The following CLYBL variants were observed in gnomAD, a reference collection of about 807,000 sequenced individuals.
CLYBL encodes the protein citramalyl-CoA lyase, also known as citramalyl-CoA lyase, mitochondrial.
Under a neutral mutation model 38.9 loss-of-function variants are expected in CLYBL, and 31 were observed. The ratio of observed to expected loss-of-function variants is 0.80; its 90% CI spans 0.60 to 1.08. The LOEUF (loss-of-function observed/expected upper bound fraction) is 1.08. Ranked by LOEUF, CLYBL falls within the 50% of genes least tolerant of loss-of-function variation. The pLI is 0.00. For synonymous variants in CLYBL, 171 were observed against 158.6 expected, an observed-to-expected ratio of 1.08 and a Z score of -0.59; for missense variants, 434 against 411.6, an observed-to-expected ratio of 1.05 and a Z score of -0.47.
chr13:99,752,719 G>A (rs1313249930), intron 1 of CLYBL, among the ~76,000 whole-genome samples: 4 of 151,862 alleles, frequency 2.6e-5, no homozygotes, highest in East Asian at 1.9e-4. Context: ...CCTTCTTTGT[G>A]TCACCCCCTC....
intron 2 of CLYBL, among the ~76,000 whole-genome samples, chr13:99,783,492 T>C (rs1234236833): frequency 2.0e-5 from 3 of 151,584 alleles, no homozygotes; most frequent in East Asian, 3.9e-4. Flanking sequence ...AGTGTTGCTC[T>C]GTCACCCAGG....
intron 1 of CLYBL, among the ~76,000 whole-genome samples, chr13:99,620,351 C>T (rs2046773843): frequency 6.6e-6 from 1 of 152,178 alleles, no homozygotes; most frequent in African/African-American, 2.4e-5. Context: ...TGCCCAGAGC[C>T]ACAGTGCTCT....
chr13:99,696,993 T>C (rs1251910560), intron 1 of CLYBL, among the ~76,000 whole-genome samples: 6 of 152,218 alleles, frequency 3.9e-5, no homozygotes, highest in Admixed American at 3.9e-4. Flanking sequence ...TTTTTCTATG[T>C]ATTTCTGCTG....
intron 1 of CLYBL, among the ~76,000 whole-genome samples, chr13:99,713,334 C>CTTTTTTTT (rs759844768): frequency 5.2e-4 from 53 of 101,572 alleles, no homozygotes; most frequent in Non-Finnish European, 7.0e-4. Context: ...TTCTCTATTT[C>CTTTTTTTT]TTTTTTTTTT....
intron 1 of CLYBL, among the ~76,000 whole-genome samples, chr13:99,624,354 C>T (rs2046840282): frequency 6.6e-6 from 1 of 152,186 alleles, no homozygotes. Context: ...CAGAATCCAT[C>T]ACTAATTATC....
intron 1 of CLYBL, among the ~76,000 whole-genome samples, chr13:99,726,971 C>T (rs922705403): frequency 2.1e-4 from 32 of 152,078 alleles, no homozygotes; most frequent in African/African-American, 6.5e-4. Flanking sequence ...CCAGCCTGGA[C>T]AACTTGGTGA....
intron 1 of CLYBL, among the ~76,000 whole-genome samples, chr13:99,718,846 ATT>A (rs879384617): frequency 6.8e-6 from 1 of 147,706 alleles, no homozygotes; most frequent in African/African-American, 2.5e-5. Flanking sequence ...CCTGTTGAGA[ATT>A]TTTTTTTTTT....
At chr13:99,612,917 A>T (rs1196705652) in intron 1 of CLYBL, among the ~76,000 whole-genome samples, 1 of 151,830 alleles carries the variant, frequency 6.6e-6, no homozygotes, top group East Asian at 1.9e-4. Flanking sequence ...TGGGATGCTG[A>T]GGTGGGAGGA....
intron 1 of CLYBL, among the ~76,000 whole-genome samples, chr13:99,650,884 A>G (rs1274241253): frequency 2.0e-5 from 3 of 151,968 alleles, no homozygotes; most frequent in Admixed American, 6.6e-5. Flanking sequence ...TGTTCTTTAC[A>G]CCCTAACCCA....
intron 2 of CLYBL, among the ~76,000 whole-genome samples, chr13:99,812,054 G>T (rs759329687): frequency 6.6e-6 from 1 of 152,162 alleles, no homozygotes; most frequent in African/African-American, 2.4e-5. Context: ...GTTTGCAGCC[G>T]ACATATTGGG....
chr13:99,905,802 G>C (rs1373940317), intron 9 of CLYBL, among the ~76,000 whole-genome samples: 1 of 150,768 alleles, frequency 6.6e-6, no homozygotes, highest in Non-Finnish European at 1.5e-5. Flanking sequence ...GTCTCTGTCT[G>C]TCGCCCAGAC....
At chr13:99,836,222 CGTTG>C (rs2050930968) in intron 2 of CLYBL, among the ~76,000 whole-genome samples, 1 of 152,020 alleles carries the variant, frequency 6.6e-6, no homozygotes. Flanking sequence ...CCAGGGGGAG[CGTTG>C]GTTGGTGAGG....
chr13:99,755,810 C>T (rs938040220), intron 1 of CLYBL, among the ~76,000 whole-genome samples: 1 of 152,162 alleles, frequency 6.6e-6, no homozygotes, highest in Non-Finnish European at 1.5e-5. Context: ...CCTGCATGTT[C>T]CTGGGATGGG....
chr13:99,772,765 C>T lies in CLYBL; in HGVS notation c.63-59C>T, dbSNP rs187805246. The T allele has an allele frequency of 6.7e-6, 9 of 1,347,174 alleles. No homozygotes were observed. In the Admixed American group the frequency reaches 7.4e-5, roughly 11 times the overall value. The allele number at this position is 1,347,174 out of a possible 1,614,324, so 83.5% of individuals were successfully genotyped here. A position where few individuals can be genotyped will look rare whatever the true frequency, so the allele number is the denominator to read the frequency against. Reference sequence around the variant, plus strand: ...AATTTTGCATTAAAATATAGTTTTTCACAAGTTTATAAATACAGAAATCTC... The same window carrying T: ...AATTTTGCATTAAAATATAGTTTTTTACAAGTTTATAAATACAGAAATCTC... On this transcript the variant is annotated intron_variant, in intron 1 of 8. Coordinates refer to ENST00000339105, the MANE Select transcript of CLYBL (RefSeq NM_206808.5).
chr13:99,796,667 T>C lies in CLYBL; in HGVS notation c.249+23657T>C, dbSNP rs551388619. Among the ~76,000 whole-genome samples the C allele has an allele frequency of 3.9e-5, 6 of 152,326 alleles. No homozygotes were observed. In the East Asian group the frequency reaches 1.2e-3, roughly 29 times the overall value. ...GCTGCACTTTGATCACCACATTTGC[T>C]AATGAAGGTTATTAACAGAGCCACA... On this transcript the variant is annotated intron_variant, in intron 2 of 8. Transcript: ENST00000339105.
intron 1 of CLYBL, among the ~76,000 whole-genome samples, chr13:99,613,927 C>T (rs1008101998): frequency 6.6e-6 from 1 of 152,050 alleles, no homozygotes; most frequent in South Asian, 2.1e-4. Context: ...TTTAAATGGC[C>T]CTGGGAGGCA....
chr13:99,754,184 C>T (rs1414215244), intron 1 of CLYBL, among the ~76,000 whole-genome samples: 2 of 144,284 alleles, frequency 1.4e-5, no homozygotes, highest in East Asian at 2.0e-4. Flanking sequence ...CCAAAGTGGG[C>T]GGATCGTTTG....
chr13:99,754,304 C>T (rs2049013033), intron 1 of CLYBL, among the ~76,000 whole-genome samples: 1 of 150,224 alleles, frequency 6.7e-6, no homozygotes, highest in African/African-American at 2.4e-5. Flanking sequence ...CAGGTAATCA[C>T]TACTTGGGAG....
At chr13:99,825,330 G>A (rs35794092) in intron 2 of CLYBL, among the ~76,000 whole-genome samples, 1,582 of 152,162 alleles carry the variant, frequency 0.01, 22 homozygotes, top group Admixed American at 0.043. Flanking sequence ...AATAATATCA[G>A]CTACCTCCTA....
Sources: gnomAD v4.1 joint callset for allele counts (sites outside exome capture counted in the v4.1 genomes callset) on GRCh38, gnomAD v4.1.1 for gene constraint, MANE v1.5 for transcripts, NCBI Gene and HGNC (gene_info 2026-07-23, HGNC 2026-07-21) for gene names.